COL23A1: variants seen among roughly 807,000 people sequenced by gnomAD.
COL23A1 encodes the protein collagen alpha-1(XXIII) chain.
In COL23A1, 97 loss-of-function variants were observed where a neutral mutation model predicts 99.3. That is an observed-to-expected ratio of 0.98 (90% CI 0.83 to 1.16). The LOEUF (loss-of-function observed/expected upper bound fraction) is 1.16, where lower values mean the gene tolerates loss of function less well. Among genes scored for constraint, COL23A1 ranks in the 50% most tolerant of loss-of-function variants. COL23A1 has a pLI of 0.00. For synonymous variants in COL23A1, 320 were observed against 308.2 expected, an observed-to-expected ratio of 1.04 and a Z score of -0.40; for missense variants, 762 against 757.4, an observed-to-expected ratio of 1.01 and a Z score of -0.07.
intron 2 of COL23A1, among the ~76,000 whole-genome samples, chr5:178,419,133 C>G (rs1443776045): frequency 1.3e-5 from 2 of 152,186 alleles, no homozygotes; most frequent in African/African-American, 4.8e-5. Flanking sequence ...AGGGGCATCA[C>G]CCGGTGTCTA....
rs184751549 is a variant in COL23A1 at position 178,308,769 on chromosome 5, G to T, written c.362-1850C>A. On this transcript the variant is annotated intron_variant, in intron 2 of 28. Transcript: ENST00000390654. The surrounding 1 kb of genome is among the most constrained non-coding windows in gnomAD (Gnocchi z 5.1). Reference sequence around the variant, plus strand: ...GGGAACCTCCAGAGCCAGTCACACCGGATGACTGGCCCTGGTTATTAACTA... The same window carrying T: ...GGGAACCTCCAGAGCCAGTCACACCTGATGACTGGCCCTGGTTATTAACTA... 6.6e-6 allele frequency among the ~76,000 whole-genome samples: 1 copy of T among 152,054 alleles called. No homozygotes were observed. The highest frequency in any genetic ancestry group is 2.4e-5 in the African/African-American group (1 of 41,396).
At chr5:178,563,809 ACG>A (rs1762721273) in intron 1 of COL23A1, among the ~76,000 whole-genome samples, 1 of 152,004 alleles carries the variant, frequency 6.6e-6, no homozygotes, top group South Asian at 2.1e-4. Context: ...GGGATTACAG[ACG>A]TTGAGTCACC....
At chr5:178,512,192 G>A (rs938812103) in intron 2 of COL23A1, among the ~76,000 whole-genome samples, 1 of 152,104 alleles carries the variant, frequency 6.6e-6, no homozygotes, top group African/African-American at 2.4e-5. Flanking sequence ...CTGGTTAAAC[G>A]CATTTTGGCA....
intron 2 of COL23A1, among the ~76,000 whole-genome samples, chr5:178,531,742 G>A (rs1339046420): frequency 6.6e-6 from 1 of 152,198 alleles, no homozygotes; most frequent in Non-Finnish European, 1.5e-5. Context: ...ACTACCAGGG[G>A]CCAAGCTGAG....
At chr5:178,507,061 T>C (rs2127991083) in intron 2 of COL23A1, among the ~76,000 whole-genome samples, 1 of 152,358 alleles carries the variant, frequency 6.6e-6, no homozygotes, top group South Asian at 2.1e-4. Context: ...CATTTCTGTT[T>C]GTAGCCTTGT....
chr5:178,274,533 C>T (rs1226762783), intron 5 of COL23A1, among the ~76,000 whole-genome samples: 1 of 151,260 alleles, frequency 6.6e-6, no homozygotes, highest in East Asian at 1.9e-4. Context: ...GGGCAGAGCC[C>T]CAGACTGGGC....
intron 3 of COL23A1, among the ~76,000 whole-genome samples, chr5:178,292,606 C>A (rs1325270372): frequency 6.6e-6 from 1 of 152,118 alleles, no homozygotes; most frequent in Non-Finnish European, 1.5e-5. Flanking sequence ...TGTGGGGTAG[C>A]AGGGGTAGAA....
intron 2 of COL23A1, among the ~76,000 whole-genome samples, chr5:178,360,721 G>C (rs570918932): frequency 1.3e-5 from 2 of 152,232 alleles, no homozygotes; most frequent in Non-Finnish European, 2.9e-5. Flanking sequence ...ACCTGGTCAT[G>C]GAGTGTTCAG....
chr5:178,305,385 C>T (rs746883814), intron 3 of COL23A1, among the ~76,000 whole-genome samples: 1 of 141,380 alleles, frequency 7.1e-6, no homozygotes, highest in Non-Finnish European at 1.6e-5. Context: ...CTGGAGAAAA[C>T]GTGCCACTGC....
intron 2 of COL23A1, among the ~76,000 whole-genome samples, chr5:178,442,262 CAG>C (rs5873613): frequency 0.086 from 13,132 of 152,054 alleles, 1,284 homozygotes; most frequent in East Asian, 0.36. Flanking sequence ...GTCTGAGGCA[CAG>C]AAGTCTTATG....
intron 2 of COL23A1, among the ~76,000 whole-genome samples, chr5:178,558,843 C>T (rs1762411044): frequency 6.6e-6 from 1 of 151,298 alleles, no homozygotes; most frequent in South Asian, 2.1e-4. Flanking sequence ...GGCTGGAGTG[C>T]AATGGTGCAA....
At chr5:178,305,956 G>A (rs1192548055) in intron 3 of COL23A1, among the ~76,000 whole-genome samples, 2 of 152,154 alleles carry the variant, frequency 1.3e-5, no homozygotes, top group African/African-American at 4.8e-5. Flanking sequence ...AAAGCTGGGG[G>A]AGATGCTGGC....
At chr5:178,490,554 A>G (rs902697003) in intron 2 of COL23A1, among the ~76,000 whole-genome samples, 1 of 152,126 alleles carries the variant, frequency 6.6e-6, no homozygotes, top group African/African-American at 2.4e-5. Flanking sequence ...ACTGTACTTA[A>G]TGCCACTGAG....
chr5:178,358,158 G>A (rs908952711), intron 2 of COL23A1, among the ~76,000 whole-genome samples: 3 of 150,026 alleles, frequency 2.0e-5, no homozygotes, highest in Non-Finnish European at 4.5e-5. Flanking sequence ...GTGTATGTGT[G>A]TATGTCTAAT....
At chr5:178,445,503 C>T (rs572905791) in intron 2 of COL23A1, among the ~76,000 whole-genome samples, 180 of 152,200 alleles carry the variant, frequency 1.2e-3, no homozygotes, top group Non-Finnish European at 1.9e-3. Flanking sequence ...ATTCCCAAAG[C>T]GTCCCATTAC....
intron 2 of COL23A1, among the ~76,000 whole-genome samples, chr5:178,534,141 T>G (rs1323845206): frequency 6.6e-6 from 1 of 152,122 alleles, no homozygotes; most frequent in African/African-American, 2.4e-5. Context: ...TTATAAATGT[T>G]TATTTCTTGC....
chr5:178,466,248 T>C (rs1336216484), intron 2 of COL23A1, among the ~76,000 whole-genome samples: 1 of 151,308 alleles, frequency 6.6e-6, no homozygotes, highest in Non-Finnish European at 1.5e-5. Context: ...ACAGGACCTG[T>C]GGGGGTGGTG....
chr5:178,386,833 G>A (rs974046865), intron 2 of COL23A1, among the ~76,000 whole-genome samples: 3 of 152,314 alleles, frequency 2.0e-5, no homozygotes, highest in Middle Eastern at 3.4e-3. Context: ...TCCTATGGCC[G>A]TGGGGAGGTG....
At chr5:178,246,105 G>T in intron 24 of COL23A1, 137 bp from the exon 25 acceptor site, 4 of 1,306,194 alleles carry the variant, frequency 3.1e-6, no homozygotes, top group Non-Finnish European at 4.4e-6. Context: ...ATAGATGGAG[G>T]CCAGGACAGA....
Sources: gnomAD v4.1 joint callset for allele counts (sites outside exome capture counted in the v4.1 genomes callset) on GRCh38, gnomAD v4.1.1 for gene constraint, Gnocchi (gnomAD v3.1) non-coding constraint, MANE v1.5 for transcripts, NCBI Gene and HGNC (gene_info 2026-07-23, HGNC 2026-07-21) for gene names.